KLHDC1: variants seen among roughly 807,000 people sequenced by gnomAD.
The protein encoded by KLHDC1 is kelch domain-containing protein 1.
KLHDC1 carries 53 observed loss-of-function variants against 68.3 expected under a neutral mutation model. The observed-to-expected ratio is 0.78, with a 90% CI of 0.62 to 0.98. The LOEUF is 0.98. Ranked by LOEUF, KLHDC1 falls within the 50% of genes least tolerant of loss-of-function variation. The pLI, the probability that KLHDC1 is intolerant of heterozygous loss-of-function variation, is 0.00. For missense variants in KLHDC1, 470 were observed against 492.3 expected (o/e 0.95, Z 0.43); for synonymous variants, 148 against 159.0 (o/e 0.93, Z 0.52).
chr14:49,744,163 T>C (rs920546287), intron 12 of KLHDC1, among the ~76,000 whole-genome samples: 1 of 150,022 alleles, frequency 6.7e-6, no homozygotes, highest in Non-Finnish European at 1.5e-5. Flanking sequence ...ACGTGTGTAG[T>C]CTTGGCTACT....
At chr14:49,743,303 G>A (rs1426740342) in intron 11 of KLHDC1, among the ~76,000 whole-genome samples, 1 of 151,080 alleles carries the variant, frequency 6.6e-6, no homozygotes, top group East Asian at 1.9e-4. Flanking sequence ...AGGAGGCTGA[G>A]GCAAGAGAAT....
At position 49,693,123 on chromosome 14, in the gene KLHDC1, CG is replaced by C; in HGVS notation, c.-68del. ...GCGTTCCGTTCGTGCGTGGAGCAGT[CG>C]GGGCTGGAGGCGAGGCCGCCGGGCG... On this transcript the variant is annotated 5_prime_UTR_variant, in exon 1 of 13. Coordinates refer to ENST00000359332, the MANE Select transcript of KLHDC1 (RefSeq NM_172193.3). 1 of 1,326,368 alleles carries C rather than the reference CG, an allele frequency of 7.5e-7. No homozygotes were observed. Among genetic ancestry groups the C allele is most frequent in the Non-Finnish European group, 1.0e-6 (1 of 965,522 alleles). 82.2% of individuals were successfully genotyped at this position (1,326,368 alleles called of 1,614,324 possible).
chr14:49,736,075 C>T (rs1888925053), intron 10 of KLHDC1, among the ~76,000 whole-genome samples: 1 of 152,108 alleles, frequency 6.6e-6, no homozygotes, highest in African/African-American at 2.4e-5. Flanking sequence ...GAGAGTTGGA[C>T]TAGATAATCT....
chr14:49,724,750 A>G (rs1226996468), intron 5 of KLHDC1, among the ~76,000 whole-genome samples: 3 of 151,996 alleles, frequency 2.0e-5, no homozygotes, highest in Admixed American at 6.6e-5. Flanking sequence ...CATCAGTGAA[A>G]TAACTCAATT....
chr14:49,714,711 A>G (rs942715264), intron 4 of KLHDC1, among the ~76,000 whole-genome samples: 4 of 151,888 alleles, frequency 2.6e-5, no homozygotes, highest in Middle Eastern at 3.4e-3. Context: ...ATAGTATAGT[A>G]TTTGAATCAT....
intron 11 of KLHDC1, among the ~76,000 whole-genome samples, chr14:49,740,908 A>G (rs1362435271): frequency 6.6e-6 from 1 of 152,024 alleles, no homozygotes; most frequent in Non-Finnish European, 1.5e-5. Context: ...CAGCCTGGCC[A>G]ACACAGCAAA....
chr14:49,738,382 A>G (rs139221624), intron 10 of KLHDC1, among the ~76,000 whole-genome samples: 8 of 145,064 alleles, frequency 5.5e-5, no homozygotes, highest in African/African-American at 1.8e-4. Context: ...TCTGTCACCC[A>G]GGCTGGGGTG....
intron 1 of KLHDC1, among the ~76,000 whole-genome samples, chr14:49,695,116 A>ATGTGTGTGTGTGTGTGTGTG (rs71115393): frequency 1.3e-3 from 184 of 142,202 alleles, no homozygotes; most frequent in Admixed American, 2.6e-3. Flanking sequence ...TGCAGTTTTG[A>ATGTGTGTGTGTGTGTGTGTG]TGTGTGTGTG....
chr14:49,751,425 A>G (rs912733672), intron 12 of KLHDC1, among the ~76,000 whole-genome samples, 161 bp from the exon 13 acceptor site: 8 of 152,290 alleles, frequency 5.3e-5, no homozygotes, highest in Admixed American at 1.3e-4. Context: ...GTACCACATA[A>G]ATATATGTAC....
rs780303723 is a variant in KLHDC1 at position 49,693,215 on chromosome 14, C to G, written c.21C>G (p.Phe7Leu). 1.9e-6 allele frequency: 3 copies of G among 1,580,868 alleles called. No homozygotes were observed. The highest frequency in any genetic ancestry group is 1.4e-5 in the African/African-American group (1 of 70,956). The part of the protein sequence containing the change: MADSQL[F>L]CVAEERSGHC... ...CGCGAATGGCGGACTCTCAGCTGTT[C>G]TGTGTGGCGGAGGAACGCAGCGGCC... The change falls in exon 1 of 13, where the codon TTC becomes TTG. Residue 7 changes from phenylalanine to leucine, a missense_variant. Phe to Leu is a conservative substitution (Grantham distance 22). Coordinates refer to ENST00000359332, the MANE Select transcript of KLHDC1 (RefSeq NM_172193.3).
At chr14:49,750,414 C>A (rs1889296501) in intron 12 of KLHDC1, among the ~76,000 whole-genome samples, 1 of 152,132 alleles carries the variant, frequency 6.6e-6, no homozygotes, top group South Asian at 2.1e-4. Flanking sequence ...CCCTGGCTTG[C>A]TAAGGTTGTC....
intron 4 of KLHDC1, among the ~76,000 whole-genome samples, chr14:49,713,111 G>C (rs541122124): frequency 6.6e-6 from 1 of 151,490 alleles, no homozygotes; most frequent in South Asian, 2.1e-4. Context: ...CACCACACCC[G>C]GGTAATTTTT....
At chr14:49,702,767 C>A (rs1245972202) in intron 1 of KLHDC1, among the ~76,000 whole-genome samples, 1 of 152,184 alleles carries the variant, frequency 6.6e-6, no homozygotes, top group Non-Finnish European at 1.5e-5. Context: ...AGGTTGCAGG[C>A]AAGTGGCTAG....
chr14:49,746,382 C>T (rs190808851), intron 12 of KLHDC1, among the ~76,000 whole-genome samples: 1 of 152,136 alleles, frequency 6.6e-6, no homozygotes, highest in Non-Finnish European at 1.5e-5. Context: ...AGCAACTCAG[C>T]ATTAGGACCT....
At chr14:49,743,839 A>G (rs1390544656) in intron 12 of KLHDC1, 34 bp downstream of exon 12, 5 of 1,198,798 alleles carry the variant, frequency 4.2e-6, no homozygotes, top group Non-Finnish European at 6.1e-6. Context: ...TATATTTGCT[A>G]TGAGTATATG....
intron 8 of KLHDC1, among the ~76,000 whole-genome samples, chr14:49,731,647 T>C (rs1888812354): frequency 6.6e-6 from 1 of 152,068 alleles, no homozygotes; most frequent in African/African-American, 2.4e-5. Flanking sequence ...AACTTATGTT[T>C]TTATTTTTCA....
Position 49,710,345 on chromosome 14 carries a change from C to T in KLHDC1, c.368C>T (p.Pro123Leu). The change falls in exon 4 of 13, where the codon CCA (proline) becomes CTA (leucine). Residue 123 changes from proline to leucine, a missense_variant. Pro to Leu is a moderately conservative substitution (Grantham distance 98). Transcript: ENST00000359332. ...ITDFEGQPPT[P>L]RDKLSCWVYK... ...GACTTTGAAGGGCAACCACCTACAC[C>T]ACGTGATAAACTTTCCTGCTGGGTA... 6.2e-7 allele frequency: 1 copy of T among 1,609,596 alleles called. No individual in the cohort carries two copies. Among genetic ancestry groups the T allele is most frequent in the Non-Finnish European group, 8.5e-7 (1 of 1,176,236 alleles).
intron 8 of KLHDC1, among the ~76,000 whole-genome samples, chr14:49,732,197 C>T (rs374827244): frequency 6.6e-6 from 1 of 150,612 alleles, no homozygotes; most frequent in African/African-American, 2.4e-5. Context: ...CTTGGAGAAG[C>T]AGTCTCTCTC....
At chr14:49,709,962 G>T in intron 3 of KLHDC1, 136 bp downstream of exon 3, 1 of 535,040 alleles carries the variant, frequency 1.9e-6, no homozygotes, top group Non-Finnish European at 3.2e-6. Context: ...TTTAAAGCTG[G>T]GTTGAAAATG....
Sources: allele counts gnomAD v4.1 joint callset (sites outside exome capture counted in the v4.1 genomes callset), GRCh38; gene constraint gnomAD v4.1.1; transcripts MANE v1.5; gene names NCBI Gene and HGNC (gene_info 2026-07-23, HGNC 2026-07-21).